TIMM23: variants seen among roughly 807,000 people sequenced by gnomAD.
TIMM23 encodes the protein translocase of inner mitochondrial membrane 23.
TIMM23 carries 19 observed loss-of-function variants against 30.7 expected under a neutral mutation model. The observed-to-expected ratio is 0.62, with a 90% CI of 0.43 to 0.91. The LOEUF (loss-of-function observed/expected upper bound fraction) is 0.91. Ranked by LOEUF, TIMM23 falls within the 40% of genes least tolerant of loss-of-function variation. The pLI is 0.00. For missense variants in TIMM23, 202 were observed against 269.2 expected (o/e 0.75, Z 1.75); for synonymous variants, 78 against 98.5 (o/e 0.79, Z 1.23).
In TIMM23 at chr10:45,975,613, A is replaced by T. The variant is rs1837650245; in HGVS notation, c.165+101A>T. ...AACTATGACATACACTTTTGGAGGC[A>T]GTAAGTCTCTGGTCTCCATTCACCC... On this transcript the variant is annotated intron_variant, in intron 2 of 6. Coordinates refer to ENST00000580018, the MANE Select transcript of TIMM23 (RefSeq NM_006327.4). The T allele has an allele frequency of 5.4e-6, 8 of 1,485,150 alleles. No homozygotes were observed. In the Admixed American group the frequency reaches 1.5e-4, roughly 28 times the overall value. The allele number at this position is 1,485,150 out of a possible 1,614,324, so 92.0% of individuals were successfully genotyped here.
At chr10:45,985,272 A>G in intron 4 of TIMM23, 111 bp from the exon 5 acceptor site, 1 of 1,183,806 alleles carries the variant, frequency 8.4e-7, no homozygotes, top group South Asian at 1.3e-5. Flanking sequence ...TTAGAATTTA[A>G]AAAACTTTGC....
intron 2 of TIMM23, among the ~76,000 whole-genome samples, chr10:45,981,889 T>G (rs1837857955): frequency 6.6e-6 from 1 of 152,208 alleles, no homozygotes; most frequent in African/African-American, 2.4e-5. Flanking sequence ...GGTAACCATA[T>G]TTTGCTCTTA....
At chr10:45,989,278 G>A (rs1838086540) in intron 6 of TIMM23, among the ~76,000 whole-genome samples, 1 of 152,096 alleles carries the variant, frequency 6.6e-6, no homozygotes, top group South Asian at 2.1e-4. Flanking sequence ...TATCCTCAAG[G>A]TTCATCCATG....
At chr10:45,981,670 CA>C (rs1158895025) in intron 2 of TIMM23, among the ~76,000 whole-genome samples, 1 of 152,148 alleles carries the variant, frequency 6.6e-6, no homozygotes, top group Non-Finnish European at 1.5e-5. Context: ...TGTTAATTGT[CA>C]GTGGTCTTTA....
rs587756194 is a variant in TIMM23 at position 45,973,225 on chromosome 10, G to A, written c.106+495G>A. 3.9e-5 allele frequency among the ~76,000 whole-genome samples: 6 copies of A among 152,310 alleles called. No homozygotes were observed. The East Asian group carries it at 9.6e-4, about 24-fold the overall frequency. On this transcript the variant is annotated intron_variant, in intron 1 of 6. Transcript: ENST00000580018. ...CTAGGAAACCTTCTTTAGGAGCTAG[G>A]AAGTAAGCTGAACTTTAAAGGTGAT...
At chr10:45,973,376 C>T (rs1313337397) in intron 1 of TIMM23, among the ~76,000 whole-genome samples, 2 of 152,138 alleles carry the variant, frequency 1.3e-5, no homozygotes, top group Admixed American at 6.5e-5. Flanking sequence ...TTTTCCAGAA[C>T]TTTGGTACTT....
At chr10:45,979,723 A>G (rs1837788977) in intron 2 of TIMM23, among the ~76,000 whole-genome samples, 1 of 150,626 alleles carries the variant, frequency 6.6e-6, no homozygotes, top group Non-Finnish European at 1.5e-5. Context: ...TAAGTGTTCA[A>G]ATTGAAGCAA....
At chr10:45,983,242 G>A (rs1432127234) in intron 4 of TIMM23, among the ~76,000 whole-genome samples, 1 of 152,072 alleles carries the variant, frequency 6.6e-6, no homozygotes, top group East Asian at 1.9e-4. Context: ...AGTTGCTAAT[G>A]GGAATTTTGG....
At chr10:45,992,165 A>G (rs1374828140) in intron 6 of TIMM23, among the ~76,000 whole-genome samples, 1 of 151,976 alleles carries the variant, frequency 6.6e-6, no homozygotes, top group Non-Finnish European at 1.5e-5. Flanking sequence ...TTGTTTAGCA[A>G]TGGGGTCTTG....
intron 6 of TIMM23, chr10:45,992,471 A>G (rs2132271819): frequency 2.2e-6 from 1 of 455,868 alleles, no homozygotes; most frequent in South Asian, 1.6e-5. Flanking sequence ...GAATTGTGAA[A>G]CTTAACTCTT....
intron 6 of TIMM23, among the ~76,000 whole-genome samples, chr10:45,995,294 T>C (rs1464370746): frequency 6.6e-6 from 1 of 151,996 alleles, no homozygotes; most frequent in Non-Finnish European, 1.5e-5. Flanking sequence ...TATTCAGCCT[T>C]TTCCTCTGTC....
Position 46,003,183 on chromosome 10 carries a change from C to T in TIMM23, c.515-20C>T. 6.3e-7 allele frequency: 1 copy of T among 1,590,902 alleles called. No homozygotes were observed. The highest frequency in any genetic ancestry group is 1.3e-5 in the African/African-American group (1 of 74,534). On this transcript the variant is annotated intron_variant, in intron 6 of 6. Transcript: ENST00000580018. ...TGCAATATACAGCTATTTCATTTTC[C>T]TTTTGTCTCTGTTTCCCAGGTGGTC...
chr10:45,996,649 ATGG>A (rs1838342380), intron 6 of TIMM23, among the ~76,000 whole-genome samples: 1 of 151,912 alleles, frequency 6.6e-6, no homozygotes, highest in Admixed American at 6.6e-5. Context: ...TTTAAGTTGA[ATGG>A]TGTTTAGTGT....
chr10:45,988,210 T>C (rs1450222072), intron 5 of TIMM23, among the ~76,000 whole-genome samples: 1 of 152,214 alleles, frequency 6.6e-6, no homozygotes, highest in African/African-American at 2.4e-5. Context: ...GGGCATGCTC[T>C]ACTACTAATA....
At chr10:45,982,417 A>G in intron 2 of TIMM23, 106 bp from the exon 3 acceptor site, 1 of 1,130,074 alleles carries the variant, frequency 8.8e-7, no homozygotes, top group South Asian at 1.4e-5. Context: ...GAGTTAATTT[A>G]AGGTTTATTT....
intron 6 of TIMM23, among the ~76,000 whole-genome samples, chr10:45,991,756 A>T (rs1838168590): frequency 6.6e-6 from 1 of 151,866 alleles, no homozygotes; most frequent in South Asian, 2.1e-4. Context: ...TGTCTCAAAA[A>T]AAAAAAGAAA....
At chr10:45,997,358 AATGTGAGGTACTTAGAATAGTCAGATTC>A (rs1554916916) in intron 6 of TIMM23, among the ~76,000 whole-genome samples, 5 of 152,220 alleles carry the variant, frequency 3.3e-5, no homozygotes, top group South Asian at 4.1e-4. Context: ...TGATTCTACT[AATGTGAGGTACTTAGAATAGTCAGATTC>A]ATGTGAGGTA....
At chr10:45,986,001 ATGAT>A (rs1331857554) in intron 5 of TIMM23, among the ~76,000 whole-genome samples, 1 of 152,220 alleles carries the variant, frequency 6.6e-6, no homozygotes, top group African/African-American at 2.4e-5. Context: ...TTGTTTATGA[ATGAT>A]TGATCACTTA....
At chr10:46,003,060 A>G in intron 6 of TIMM23, 143 bp from the exon 7 acceptor site, 4 of 593,948 alleles carry the variant, frequency 6.7e-6, no homozygotes, top group Non-Finnish European at 1.2e-5. Context: ...CAAGCGATCC[A>G]CCCACCTCGG....
Sources: allele counts gnomAD v4.1 joint callset (sites outside exome capture counted in the v4.1 genomes callset), GRCh38; gene constraint gnomAD v4.1.1; transcripts MANE v1.5; gene names NCBI Gene and HGNC (gene_info 2026-07-23, HGNC 2026-07-21).